Variants in SAMD12 observed in about 807,000 individuals in gnomAD.
SAMD12 encodes sterile alpha motif domain containing 12.
Under a neutral mutation model 15.0 loss-of-function variants are expected in SAMD12, and 9 were observed. That is an observed-to-expected ratio of 0.60 (90% CI 0.36 to 1.05). The LOEUF is 1.05. Ranked by LOEUF, SAMD12 falls within the 50% of genes least tolerant of loss-of-function variation. The pLI, the probability that SAMD12 is intolerant of heterozygous loss-of-function variation, is 0.01. For missense variants in SAMD12, 230 were observed against 234.2 expected (o/e 0.98, Z 0.12); for synonymous variants, 86 against 90.1 (o/e 0.96, Z 0.25).
chr8:118,255,338 ATTTCT>A (rs1027454668), intron 4 of SAMD12, among the ~76,000 whole-genome samples: 3 of 151,890 alleles, frequency 2.0e-5, no homozygotes, highest in East Asian at 3.9e-4. Context: ...TGCTATTAAC[ATTTCT>A]TTATTTTATT....
intron 3 of SAMD12, among the ~76,000 whole-genome samples, chr8:118,381,565 G>C (rs957308538): frequency 2.0e-5 from 3 of 152,166 alleles, no homozygotes; most frequent in African/African-American, 7.2e-5. Context: ...AGCGTCCTTA[G>C]AAGTGAAAGA....
intron 2 of SAMD12, among the ~76,000 whole-genome samples, chr8:118,536,061 G>A (rs1347433266): frequency 6.6e-6 from 1 of 152,142 alleles, no homozygotes; most frequent in Non-Finnish European, 1.5e-5. Flanking sequence ...CTGTAGACTG[G>A]AGCTGTTCCT....
chr8:118,616,393 C>T (rs1828240466), intron 1 of SAMD12, among the ~76,000 whole-genome samples: 2 of 152,092 alleles, frequency 1.3e-5, no homozygotes, highest in Admixed American at 1.3e-4. Context: ...GTAGAAAGTA[C>T]CACCAGTAGA....
At chr8:118,505,951 A>G (rs4129893) in intron 2 of SAMD12, among the ~76,000 whole-genome samples, 19,419 of 152,058 alleles carry the variant, frequency 0.13, 1,338 homozygotes, top group South Asian at 0.27. Context: ...CCCTGGACAT[A>G]ATATCATCCA....
At chr8:118,204,814 T>C (rs1586340525) in intron 4 of SAMD12, among the ~76,000 whole-genome samples, 1 of 152,204 alleles carries the variant, frequency 6.6e-6, no homozygotes. Context: ...GGTATCAGGA[T>C]GACAGAGAAC....
intron 4 of SAMD12, among the ~76,000 whole-genome samples, chr8:118,300,128 A>G (rs1052848332): frequency 5.9e-5 from 9 of 152,116 alleles, no homozygotes; most frequent in African/African-American, 2.2e-4. Context: ...TAATTAGCAT[A>G]TCCATCACCT....
At chr8:118,209,264 C>G (rs2514751) in intron 4 of SAMD12, among the ~76,000 whole-genome samples, 76,682 of 151,974 alleles carry the variant, frequency 0.5, 21,073 homozygotes, top group Non-Finnish European at 0.62. Context: ...AGTCGAGTTC[C>G]CCAAAATGAG....
At chr8:118,321,144 A>AATATATATATATCTAT (rs1816244553) in intron 4 of SAMD12, among the ~76,000 whole-genome samples, 1 of 94,508 alleles carries the variant, frequency 1.1e-5, no homozygotes, top group African/African-American at 4.1e-5. Context: ...ATAGATAATA[A>AATATATATATATCTAT]ATATATATAT....
intron 2 of SAMD12, among the ~76,000 whole-genome samples, chr8:118,557,186 A>T (rs1826560312): frequency 6.6e-6 from 1 of 152,088 alleles, no homozygotes; most frequent in African/African-American, 2.4e-5. Flanking sequence ...TTTTCCCCCC[A>T]TGCTGTTCTA....
chr8:118,134,370 G>A, the SAMD12 span, among the ~76,000 whole-genome samples: 1 of 152,242 alleles, frequency 6.6e-6, no homozygotes, highest in African/African-American at 2.4e-5. Flanking sequence ...TCACTATAAA[G>A]TGGTCTGGTC....
chr8:118,463,909 G>A (rs6981538), intron 2 of SAMD12, among the ~76,000 whole-genome samples: 110,761 of 151,986 alleles, frequency 0.73, 40,831 homozygotes, highest in African/African-American at 0.84. Flanking sequence ...TGGAATTATA[G>A]GGCCTTAATT....
At chr8:118,526,535 C>A (rs1825542836) in intron 2 of SAMD12, among the ~76,000 whole-genome samples, 1 of 152,012 alleles carries the variant, frequency 6.6e-6, no homozygotes, top group African/African-American at 2.4e-5. Flanking sequence ...GTTTAGCAAG[C>A]AGGAAACAGC....
At chr8:118,467,403 T>C (rs963230901) in intron 2 of SAMD12, among the ~76,000 whole-genome samples, 11 of 152,168 alleles carry the variant, frequency 7.2e-5, no homozygotes, top group Admixed American at 2.0e-4. Flanking sequence ...GCCTCCCACA[T>C]AGAAAATTTT....
At chr8:118,270,666 A>G (rs558832886) in intron 4 of SAMD12, among the ~76,000 whole-genome samples, 10 of 152,312 alleles carry the variant, frequency 6.6e-5, no homozygotes, top group Non-Finnish European at 1.5e-4. Flanking sequence ...CACAGAACAT[A>G]ATGTGTGCTT....
At chr8:118,243,296 G>C (rs957735082) in intron 4 of SAMD12, among the ~76,000 whole-genome samples, 3 of 152,190 alleles carry the variant, frequency 2.0e-5, no homozygotes, top group Middle Eastern at 3.4e-3. Flanking sequence ...TTTTGCATTA[G>C]TGGGTAGGGA....
At chr8:118,431,301 T>A (rs1238088797) in intron 3 of SAMD12, among the ~76,000 whole-genome samples, 1 of 152,150 alleles carries the variant, frequency 6.6e-6, no homozygotes, top group East Asian at 1.9e-4. Flanking sequence ...AAAAAGGAAT[T>A]TATTTTACCT....
chr8:118,383,524 G>A (rs532405571), intron 3 of SAMD12, among the ~76,000 whole-genome samples: 5 of 152,266 alleles, frequency 3.3e-5, no homozygotes, highest in East Asian at 3.9e-4. Context: ...CAGGAGCACC[G>A]TCCCAGCGTG....
chr8:118,511,500 C>G (rs1392132974), intron 2 of SAMD12, among the ~76,000 whole-genome samples: 1 of 151,416 alleles, frequency 6.6e-6, no homozygotes. Flanking sequence ...ATTGGAAAAT[C>G]TGGGTAGATT....
At chr8:118,282,856 G>A (rs1428193201) in intron 4 of SAMD12, among the ~76,000 whole-genome samples, 3 of 151,990 alleles carry the variant, frequency 2.0e-5, no homozygotes, top group Non-Finnish European at 2.9e-5. Context: ...AGATATGTGT[G>A]TGTGTGTAGC....
Sources: allele counts gnomAD v4.1 joint callset (sites outside exome capture counted in the v4.1 genomes callset), GRCh38; gene constraint gnomAD v4.1.1; transcripts MANE v1.5; gene names NCBI Gene and HGNC (gene_info 2026-07-23, HGNC 2026-07-21).